Variants in CNOT6L observed in about 807,000 individuals in gnomAD.
The protein encoded by CNOT6L is CCR4-NOT transcription complex subunit 6-like.
A neutral mutation model predicts 64.0 loss-of-function variants in CNOT6L; 7 were observed. The ratio of observed to expected loss-of-function variants is 0.11; its 90% CI spans 0.06 to 0.21. The LOEUF (loss-of-function observed/expected upper bound fraction) is 0.21. CNOT6L is among the 10% of genes least tolerant of loss of function. The probability of loss-of-function intolerance (pLI) is 1.00; values close to 1 mark genes in which losing one functional copy is unlikely to be tolerated. For missense variants in CNOT6L, 245 were observed against 669.0 expected, an observed-to-expected ratio of 0.37 and a Z score of 6.99; for synonymous variants, 193 against 243.4, an observed-to-expected ratio of 0.79 and a Z score of 1.93.
At chr4:77,811,275 C>T (rs750334045) in intron 1 of CNOT6L, among the ~76,000 whole-genome samples, 29 of 152,170 alleles carry the variant, frequency 1.9e-4, no homozygotes, top group Middle Eastern at 6.8e-3. Context: ...AAGGGTCGGG[C>T]GCGGTGGCTC....
chr4:77,779,436 G>A (rs1728596839), intron 1 of CNOT6L, among the ~76,000 whole-genome samples: 1 of 151,812 alleles, frequency 6.6e-6, no homozygotes, highest in Non-Finnish European at 1.5e-5. Flanking sequence ...ATCTTTTCTG[G>A]TGCTCCAATT....
At chr4:77,808,413 G>T (rs1001882246) in intron 1 of CNOT6L, among the ~76,000 whole-genome samples, 1 of 146,548 alleles carries the variant, frequency 6.8e-6, no homozygotes, top group Non-Finnish European at 1.5e-5. Context: ...AGTGAGCTGA[G>T]ATCGTGCCAC....
At chr4:77,741,048 C>T (rs1003381391) in intron 8 of CNOT6L, among the ~76,000 whole-genome samples, 2 of 152,032 alleles carry the variant, frequency 1.3e-5, no homozygotes, top group Non-Finnish European at 2.9e-5. Context: ...AGAACATATT[C>T]CCGTAGTTAA....
At chr4:77,778,648 G>A (rs1284593743) in intron 1 of CNOT6L, among the ~76,000 whole-genome samples, 3 of 151,916 alleles carry the variant, frequency 2.0e-5, no homozygotes, top group Non-Finnish European at 1.5e-5. Context: ...CTTGTGATCC[G>A]CCCGCCTTGG....
intron 1 of CNOT6L, among the ~76,000 whole-genome samples, chr4:77,794,914 T>C (rs761047433): frequency 8.6e-5 from 13 of 151,680 alleles, no homozygotes; most frequent in Non-Finnish European, 1.6e-4. Flanking sequence ...AATTAATGAA[T>C]AGATTTAACA....
intron 10 of CNOT6L, among the ~76,000 whole-genome samples, chr4:77,727,151 G>A (rs1181726883): frequency 6.6e-6 from 1 of 152,164 alleles, no homozygotes; most frequent in Non-Finnish European, 1.5e-5. Context: ...AAATAGCTCA[G>A]AAGGCACTAT....
chr4:77,796,768 G>T (rs1258782639), intron 1 of CNOT6L, among the ~76,000 whole-genome samples: 2 of 151,976 alleles, frequency 1.3e-5, no homozygotes, highest in East Asian at 3.9e-4. Flanking sequence ...AACATACATG[G>T]TCAATTAATT....
intron 5 of CNOT6L, among the ~76,000 whole-genome samples, chr4:77,756,602 C>T (rs887051309): frequency 6.6e-6 from 1 of 152,172 alleles, no homozygotes; most frequent in Non-Finnish European, 1.5e-5. Flanking sequence ...GAATTTGCAT[C>T]TCTAAACTGT....
intron 11 of CNOT6L, among the ~76,000 whole-genome samples, chr4:77,722,720 C>CT (rs1294416055): frequency 2.0e-5 from 3 of 152,240 alleles, no homozygotes; most frequent in African/African-American, 7.2e-5. Flanking sequence ...AGTAAAAACT[C>CT]TTATCAAAAC....
Position 77,779,895 on chromosome 4 carries a change from C to T in CNOT6L, c.6-3503G>A, listed in dbSNP as rs906793794. 3.3e-5 allele frequency among the ~76,000 whole-genome samples: 5 copies of T among 152,098 alleles called. 1 individual carries two copies. The highest frequency in any genetic ancestry group is 1.9e-4 in the East Asian group (1 of 5,192). On this transcript the variant is annotated intron_variant, in intron 1 of 11. Coordinates refer to ENST00000504123, the MANE Select transcript of CNOT6L (RefSeq NM_144571.3). ...AGGAGAATGGCATGAACCCGGGAGG[C>T]GGAGCTTGCAGTGAGACGAGACTAC...
At chr4:77,816,901 T>C (rs1286296758) in intron 1 of CNOT6L, among the ~76,000 whole-genome samples, 1 of 152,170 alleles carries the variant, frequency 6.6e-6, no homozygotes, top group Non-Finnish European at 1.5e-5. Context: ...GCAGTTAAAA[T>C]TTAATGAACA....
intron 1 of CNOT6L, among the ~76,000 whole-genome samples, chr4:77,804,204 G>A (rs1380387958): frequency 2.0e-5 from 3 of 152,262 alleles, no homozygotes; most frequent in Admixed American, 1.3e-4. Context: ...AAGGTGGGCA[G>A]ATCACCTGAA....
At chr4:77,799,174 T>C (rs1463762991) in intron 1 of CNOT6L, among the ~76,000 whole-genome samples, 1 of 152,104 alleles carries the variant, frequency 6.6e-6, no homozygotes, top group East Asian at 1.9e-4. Context: ...ATGACTGTAA[T>C]CCCAACACTT....
At chr4:77,739,849 A>G (rs1326539186) in intron 8 of CNOT6L, among the ~76,000 whole-genome samples, 1 of 152,216 alleles carries the variant, frequency 6.6e-6, no homozygotes, top group Non-Finnish European at 1.5e-5. Context: ...AAATACCCAG[A>G]TAACAGTTCT....
intron 1 of CNOT6L, among the ~76,000 whole-genome samples, chr4:77,786,632 A>G (rs987618526): frequency 2.0e-5 from 3 of 151,764 alleles, no homozygotes; most frequent in Non-Finnish European, 4.4e-5. Flanking sequence ...ATACCACCCC[A>G]CGCCTGGCTA....
chr4:77,774,571 G>A lies in CNOT6L; in HGVS notation c.273C>T (p.Leu91=), dbSNP rs377499002. 1.1e-5 allele frequency: 18 copies of A among 1,612,900 alleles called. No individual in the cohort carries two copies. The African/African-American group carries it at 2.0e-4, about 18-fold the overall frequency. Residue 91 remains leucine, a synonymous_variant, in exon 3 of 12, where the codon CTC becomes CTT. Transcript: ENST00000504123. ...TTCCTAGTTCTGCTGGTAAACTTCT[G>A]AGTTTATTGGATGACAGATCCAGGT... is the stretch of plus-strand genomic sequence containing the variant. ...LVYLDLSSNK[L]RSLPAELGNM... is the part of the protein sequence containing the mutation.
intron 1 of CNOT6L, among the ~76,000 whole-genome samples, chr4:77,776,957 CGA>C (rs1352202158): frequency 6.6e-6 from 1 of 152,030 alleles, no homozygotes; most frequent in Non-Finnish European, 1.5e-5. Flanking sequence ...CACGCAACAA[CGA>C]TAAGGAAAGT....
intron 4 of CNOT6L, among the ~76,000 whole-genome samples, chr4:77,763,087 G>A (rs1275098861): frequency 6.6e-6 from 1 of 152,002 alleles, no homozygotes; most frequent in East Asian, 1.9e-4. Context: ...TGAAAAATAT[G>A]GGAAAAACCT....
At chr4:77,759,981 C>A (rs967083191) in intron 4 of CNOT6L, among the ~76,000 whole-genome samples, 25 of 152,174 alleles carry the variant, frequency 1.6e-4, no homozygotes, top group Admixed American at 1.3e-3. Context: ...TAGATACCAA[C>A]AGACAAATAC....
Sources: allele counts gnomAD v4.1 joint callset (sites outside exome capture counted in the v4.1 genomes callset), GRCh38; gene constraint gnomAD v4.1.1; transcripts MANE v1.5; gene names NCBI Gene and HGNC (gene_info 2026-07-23, HGNC 2026-07-21).